FARS2: variants seen among roughly 807,000 people sequenced by gnomAD.
FARS2 encodes phenylalanyl-tRNA synthetase 2, mitochondrial.
FARS2 carries 40 observed loss-of-function variants against 46.4 expected under a neutral mutation model. The ratio of observed to expected loss-of-function variants is 0.86; its 90% CI spans 0.67 to 1.12. FARS2 has a LOEUF of 1.12. Among genes scored for constraint, FARS2 ranks in the 50% most tolerant of loss-of-function variants. The pLI is 0.00. For synonymous variants in FARS2, 234 were observed against 214.9 expected (o/e 1.09, Z -0.78); for missense variants, 513 against 567.9 (o/e 0.90, Z 0.98).
chr6:5,651,540 G>T (rs1166783761), intron 6 of FARS2, among the ~76,000 whole-genome samples: 1 of 152,172 alleles, frequency 6.6e-6, no homozygotes, highest in South Asian at 2.1e-4. Flanking sequence ...AAAAAGCAAG[G>T]CAAGAACCAT....
intron 6 of FARS2, among the ~76,000 whole-genome samples, chr6:5,625,109 A>G (rs1264031862): frequency 6.6e-6 from 1 of 152,164 alleles, no homozygotes. Context: ...ATGAATTTGG[A>G]TACATCCTGG....
chr6:5,326,213 T>G (rs1257043733), intron 1 of FARS2, among the ~76,000 whole-genome samples: 2 of 100,598 alleles, frequency 2.0e-5, no homozygotes, highest in Non-Finnish European at 4.3e-5. Context: ...AGAGCCTGCT[T>G]TGCCTCCTGT....
rs564131536 is a variant in FARS2, at chr6:5,292,073, G to T, written c.-22+30413G>T. On this transcript the variant is annotated intron_variant, in intron 1 of 6. Coordinates refer to ENST00000274680, the MANE Select transcript of FARS2 (RefSeq NM_006567.5). ...CAGAGAAGGTTTTCTCGGAGTGGGG[G>T]TTGTCAGAATGAACAGGAGGTAAGC... Among the ~76,000 whole-genome samples, 4 of 152,296 alleles carry T rather than the reference G, an allele frequency of 2.6e-5. No homozygotes were observed. In the East Asian group the frequency reaches 5.8e-4, roughly 22 times the overall value.
intron 1 of FARS2, among the ~76,000 whole-genome samples, chr6:5,270,449 A>G (rs1341580087): frequency 6.6e-6 from 1 of 152,228 alleles, no homozygotes; most frequent in Non-Finnish European, 1.5e-5. Context: ...ACGTTTCAGG[A>G]CATAAGTGTG....
chr6:5,331,482 A>G (rs1035041762), intron 1 of FARS2, among the ~76,000 whole-genome samples: 4 of 152,244 alleles, frequency 2.6e-5, no homozygotes, highest in East Asian at 1.9e-4. Context: ...ATTTTCTCCT[A>G]TCTGATCACA....
At chr6:5,557,018 G>C (rs1036491112) in intron 5 of FARS2, among the ~76,000 whole-genome samples, 1 of 152,070 alleles carries the variant, frequency 6.6e-6, no homozygotes, top group Non-Finnish European at 1.5e-5. Flanking sequence ...TTTAATAGTT[G>C]GTGGATTATA....
At chr6:5,410,465 T>C (rs561257490) in intron 3 of FARS2, among the ~76,000 whole-genome samples, 1 of 152,102 alleles carries the variant, frequency 6.6e-6, no homozygotes, top group Admixed American at 6.5e-5. Context: ...CCTGGCCGCG[T>C]TGTTCTATTT....
chr6:5,384,725 G>A (rs1161794638), intron 2 of FARS2, among the ~76,000 whole-genome samples: 1 of 152,168 alleles, frequency 6.6e-6, no homozygotes, highest in Admixed American at 6.5e-5. Flanking sequence ...GGAGGAACCT[G>A]TCTGTTTGAA....
At chr6:5,482,172 C>T (rs909247524) in intron 4 of FARS2, among the ~76,000 whole-genome samples, 4 of 151,838 alleles carry the variant, frequency 2.6e-5, no homozygotes, top group South Asian at 2.1e-4. Flanking sequence ...TAAATAAATG[C>T]CACATTTCAA....
chr6:5,384,494 G>T (rs1262699008), intron 2 of FARS2, among the ~76,000 whole-genome samples: 1 of 152,180 alleles, frequency 6.6e-6, no homozygotes. Context: ...GGAATCTGCT[G>T]CCCTTAGGAT....
chr6:5,632,598 G>C (rs7743548), intron 6 of FARS2, among the ~76,000 whole-genome samples: 1,434 of 130,986 alleles, frequency 0.011, no homozygotes, highest in East Asian at 0.025. Context: ...CCCCCTTCCC[G>C]CTTCTTCCTT....
chr6:5,435,510 G>A (rs1050682374), intron 4 of FARS2, among the ~76,000 whole-genome samples: 13 of 152,220 alleles, frequency 8.5e-5, no homozygotes, highest in African/African-American at 2.7e-4. Context: ...AAGTCGTAGT[G>A]TCTTCACCGT....
At chr6:5,337,891 T>C (rs1771273504) in intron 1 of FARS2, among the ~76,000 whole-genome samples, 1 of 152,218 alleles carries the variant, frequency 6.6e-6, no homozygotes, top group Non-Finnish European at 1.5e-5. Flanking sequence ...AGACCACAAA[T>C]TACTGTGAAG....
chr6:5,268,962 C>T (rs1366252564), intron 1 of FARS2, among the ~76,000 whole-genome samples: 1 of 152,068 alleles, frequency 6.6e-6, no homozygotes, highest in East Asian at 1.9e-4. Context: ...CTAGAAATAC[C>T]ATTTCACCCG....
Position 5,473,547 on chromosome 6 carries a change from A to AAC in FARS2, c.904+42376_904+42377insCA, listed in dbSNP as rs1184276934. 1.9e-3 allele frequency among the ~76,000 whole-genome samples: 182 copies of AAC among 97,444 alleles called. 1 individual carries two copies. The highest frequency in any genetic ancestry group is 7.3e-3 in the African/African-American group (156 of 21,474). The allele number at this position is 97,444 out of a possible 152,430, so 63.9% of individuals were successfully genotyped here. A position where few individuals can be genotyped will look rare whatever the true frequency, so the allele number is the denominator to read the frequency against. On this transcript the variant is annotated intron_variant, in intron 4 of 6. Transcript: ENST00000274680. ...GTCTCAAAAAACAAAAAAAAAAACA[A>AAC]AAAAAAAAAACAAAAGAATACCCTG...
At chr6:5,614,679 G>T (rs374243048) in intron 6 of FARS2, among the ~76,000 whole-genome samples, 1 of 152,166 alleles carries the variant, frequency 6.6e-6, no homozygotes, top group Non-Finnish European at 1.5e-5. Flanking sequence ...GATTACAGGC[G>T]TGAGCCATCG....
At chr6:5,300,117 G>A (rs933491178) in intron 1 of FARS2, among the ~76,000 whole-genome samples, 7 of 152,186 alleles carry the variant, frequency 4.6e-5, no homozygotes, top group South Asian at 4.1e-4. Flanking sequence ...AGTAGTTAGA[G>A]AAAGGATGTA....
intron 2 of FARS2, among the ~76,000 whole-genome samples, chr6:5,401,565 T>C (rs143967013): frequency 6.6e-5 from 10 of 152,310 alleles, no homozygotes; most frequent in Middle Eastern, 3.4e-3. Flanking sequence ...TATTAACATG[T>C]TCTCCATTTG....
At chr6:5,740,371 A>C (rs369575905) in intron 6 of FARS2, among the ~76,000 whole-genome samples, 2 of 152,296 alleles carry the variant, frequency 1.3e-5, no homozygotes, top group East Asian at 3.9e-4. Flanking sequence ...GTTTTTTGAA[A>C]TACATGTGAC....
Sources: allele counts gnomAD v4.1 joint callset (sites outside exome capture counted in the v4.1 genomes callset), GRCh38; gene constraint gnomAD v4.1.1; transcripts MANE v1.5; gene names NCBI Gene and HGNC (gene_info 2026-07-23, HGNC 2026-07-21).